The following ADAMTS20 variants were observed in gnomAD, a reference collection of about 807,000 sequenced individuals.
ADAMTS20 encodes A disintegrin and metalloproteinase with thrombospondin motifs 20.
In ADAMTS20, 225 loss-of-function variants were observed where a neutral mutation model predicts 260.1. That is an observed-to-expected ratio of 0.87 (90% CI 0.78 to 0.97). The LOEUF is 0.97. ADAMTS20 is among the 50% of genes least tolerant of loss of function. ADAMTS20 has a pLI of 0.00. For missense variants in ADAMTS20, 2,400 were observed against 2,337.7 expected (o/e 1.03, Z -0.55); for synonymous variants, 802 against 769.5 (o/e 1.04, Z -0.70).
At chr12:43,526,091 C>T (rs1418669453) in intron 3 of ADAMTS20, among the ~76,000 whole-genome samples, 1 of 152,208 alleles carries the variant, frequency 6.6e-6, no homozygotes, top group Non-Finnish European at 1.5e-5. Flanking sequence ...TTCTCATCAG[C>T]ACATGGAACA....
chr12:43,370,650 T>C (rs746679445), intron 36 of ADAMTS20, among the ~76,000 whole-genome samples: 35 of 152,254 alleles, frequency 2.3e-4, no homozygotes, highest in Non-Finnish European at 1.6e-4. Context: ...TTGGGCATCA[T>C]TACTTGGATG....
At chr12:43,380,847 A>T (rs1940334047) in intron 31 of ADAMTS20, among the ~76,000 whole-genome samples, 1 of 152,160 alleles carries the variant, frequency 6.6e-6, no homozygotes, top group African/African-American at 2.4e-5. Flanking sequence ...CCTCTAACAA[A>T]ATCTCAGCTG....
In ADAMTS20 at chr12:43,551,459, C is replaced by T. The variant is rs984572953; in HGVS notation, c.92-189G>A. 2.6e-5 allele frequency among the ~76,000 whole-genome samples: 4 copies of T among 152,044 alleles called. No individual in the cohort carries two copies. The highest frequency in any genetic ancestry group is 9.7e-5 in the African/African-American group (4 of 41,414). ...CTGGGACGGTTAGTGCTCTGCTTTC[C>T]CACACCCCCAACTTGCCCTACCCTC... On this transcript the variant is annotated intron_variant, in intron 1 of 38. Transcript: ENST00000389420. The surrounding 1 kb of genome is among the most constrained non-coding windows in gnomAD (Gnocchi z 4.6).
intron 3 of ADAMTS20, 55 bp from the exon 4 acceptor site, chr12:43,502,460 A>T: frequency 6.5e-7 from 1 of 1,535,234 alleles, no homozygotes; most frequent in Non-Finnish European, 8.7e-7. Flanking sequence ...GTGACGAAAA[A>T]TATCGCAAAA....
Position 43,376,162 on chromosome 12 carries a change from G to T in ADAMTS20, c.5221-14C>A, listed in dbSNP as rs764571685. 6.3e-7 allele frequency: 1 copy of T among 1,580,388 alleles called. No individual in the cohort carries two copies. The highest frequency in any genetic ancestry group is 2.3e-5 in the East Asian group (1 of 44,372). On this transcript the variant is annotated splice_polypyrimidine_tract_variant and intron_variant, in intron 34 of 38. Coordinates refer to ENST00000389420, the MANE Select transcript of ADAMTS20 (RefSeq NM_025003.5). ...TGCACAATAAATCTAAAGAAAAAAT[G>T]TAAACATCTAGAAAAACTTTTTCCA... is the stretch of plus-strand genomic sequence containing the variant.
chr12:43,431,257 G>T, intron 22 of ADAMTS20, 75 bp downstream of exon 22: 1 of 1,455,534 alleles, frequency 6.9e-7, no homozygotes, highest in Non-Finnish European at 9.3e-7. Flanking sequence ...ACTAAGGGAG[G>T]AGTAAATATA....
intron 19 of ADAMTS20, 21 bp from the exon 20 acceptor site, chr12:43,432,832 T>C: frequency 6.4e-7 from 1 of 1,570,158 alleles, no homozygotes; most frequent in Non-Finnish European, 8.8e-7. Flanking sequence ...GATGTTACTA[T>C]ACTTAGGAGG....
At position 43,551,877 on chromosome 12, in the gene ADAMTS20, CGA is replaced by C. The variant is rs1420953372; in HGVS notation, c.43_44del (p.Ser15AlafsTer10). ...KWLTGLLYHL[S>X]LFITRSWEVD... ...CTTCCCAAGACCTGGTGATGAAGAG[CGA>C]GAGATGGTAGAGCAGCCCAGTCAGC... is the stretch of plus-strand genomic sequence containing the variant. On this transcript the variant is annotated frameshift_variant, in exon 1 of 39. Coordinates refer to ENST00000389420, the MANE Select transcript of ADAMTS20 (RefSeq NM_025003.5). LOFTEE classifies it high-confidence loss of function. The surrounding 1 kb of genome is among the most constrained non-coding windows in gnomAD (Gnocchi z 4.6). 6.2e-7 allele frequency: 1 copy of C among 1,613,610 alleles called. No individual in the cohort carries two copies. Among genetic ancestry groups the C allele is most frequent in the African/African-American group, 1.3e-5 (1 of 74,934 alleles).
Position 43,429,601 on chromosome 12 carries a change from A to T in ADAMTS20, c.3489+16T>A. The T allele has an allele frequency of 6.5e-7, 1 of 1,545,338 alleles. No individual in the cohort carries two copies. Among genetic ancestry groups the T allele is most frequent in the Non-Finnish European group, 8.8e-7 (1 of 1,136,670 alleles). Reference sequence around the variant, plus strand: ...CCATAATAGAAACACTGTATCTATTAAAGAAATTCACTTACTGGGGTCCAA... The same window carrying T: ...CCATAATAGAAACACTGTATCTATTTAAGAAATTCACTTACTGGGGTCCAA... On this transcript the variant is annotated intron_variant, in intron 24 of 38. Transcript: ENST00000389420.
At chr12:43,447,594 G>A (rs1941786484) in intron 14 of ADAMTS20, among the ~76,000 whole-genome samples, 1 of 151,966 alleles carries the variant, frequency 6.6e-6, no homozygotes. Flanking sequence ...AGACAAGGAT[G>A]CCCTCTCACC....
At chr12:43,417,654 C>T (rs143668765) in intron 28 of ADAMTS20, among the ~76,000 whole-genome samples, 69 of 152,228 alleles carry the variant, frequency 4.5e-4, no homozygotes, top group African/African-American at 1.4e-3. Context: ...GTTTCTAAGT[C>T]ACAGTCTTTC....
intron 3 of ADAMTS20, among the ~76,000 whole-genome samples, chr12:43,530,043 C>T (rs1020081379): frequency 4.0e-5 from 6 of 151,856 alleles, no homozygotes; most frequent in African/African-American, 1.5e-4. Context: ...AAGGATACTA[C>T]CTTTTACATT....
intron 31 of ADAMTS20, among the ~76,000 whole-genome samples, chr12:43,379,374 G>A (rs571643523): frequency 6.6e-6 from 1 of 152,248 alleles, no homozygotes; most frequent in South Asian, 2.1e-4. Flanking sequence ...GTGTATTAAT[G>A]GGATCTAGAT....
intron 3 of ADAMTS20, among the ~76,000 whole-genome samples, chr12:43,520,440 G>A (rs1943056074): frequency 6.6e-6 from 1 of 152,024 alleles, no homozygotes; most frequent in Non-Finnish European, 1.5e-5. Context: ...AACCAAGAAG[G>A]GAAGTGGGAG....
chr12:43,373,880 C>T (rs1237891917), intron 36 of ADAMTS20, among the ~76,000 whole-genome samples: 3 of 151,268 alleles, frequency 2.0e-5, no homozygotes, highest in African/African-American at 7.3e-5. Flanking sequence ...GGGGTTTCAC[C>T]GTTTTAGCCG....
downstream of ADAMTS20, among the ~76,000 whole-genome samples, chr12:43,353,590 C>T (rs535433265): frequency 5.9e-5 from 9 of 151,996 alleles, no homozygotes; most frequent in African/African-American, 1.2e-4. Flanking sequence ...TTTTAATACA[C>T]AATTTGTACC....
chr12:43,380,091 C>T (rs974821443), intron 31 of ADAMTS20, among the ~76,000 whole-genome samples: 1 of 151,944 alleles, frequency 6.6e-6, no homozygotes, highest in Non-Finnish European at 1.5e-5. Context: ...GGATTATACA[C>T]CATGACGAAG....
At chr12:43,539,614 C>T (rs1010664987) in intron 2 of ADAMTS20, among the ~76,000 whole-genome samples, 1 of 152,180 alleles carries the variant, frequency 6.6e-6, no homozygotes, top group African/African-American at 2.4e-5. Context: ...AATACTCTAG[C>T]ATTCTCTGCC....
At chr12:43,486,132 G>A (rs554617840) in intron 7 of ADAMTS20, among the ~76,000 whole-genome samples, 31 of 152,066 alleles carry the variant, frequency 2.0e-4, no homozygotes, top group African/African-American at 7.0e-4. Context: ...GCAATCCTAA[G>A]CAAAAAGAAT....
Sources: allele counts gnomAD v4.1 joint callset (sites outside exome capture counted in the v4.1 genomes callset), GRCh38; gene constraint gnomAD v4.1.1; non-coding constraint Gnocchi (gnomAD v3.1); transcripts MANE v1.5; gene names NCBI Gene and HGNC (gene_info 2026-07-23, HGNC 2026-07-21).